Variants in TRAPPC11 observed in about 807,000 individuals in gnomAD.
TRAPPC11 encodes the protein foie gras homolog.
TRAPPC11 carries 104 observed loss-of-function variants against 151.2 expected under a neutral mutation model. The observed-to-expected ratio is 0.69, with a 90% CI of 0.59 to 0.81. The LOEUF is 0.81. Ranked by LOEUF, TRAPPC11 falls within the 30% of genes least tolerant of loss-of-function variation. TRAPPC11 has a pLI of 0.00. For missense variants in TRAPPC11, 1,230 were observed against 1,349.6 expected, an observed-to-expected ratio of 0.91 and a Z score of 1.39; for synonymous variants, 456 against 472.3, an observed-to-expected ratio of 0.97 and a Z score of 0.45.
At chr4:183,689,436 C>G (rs1736141970) in intron 18 of TRAPPC11, among the ~76,000 whole-genome samples, 1 of 152,042 alleles carries the variant, frequency 6.6e-6, no homozygotes, top group Non-Finnish European at 1.5e-5. Context: ...ACTTACATGA[C>G]TGAATCACTT....
Position 183,697,501 on chromosome 4 carries a change from A to T in TRAPPC11, c.2629-2A>T, listed in dbSNP as rs761323035. The T allele has an allele frequency of 6.3e-7, 1 of 1,594,252 alleles. No homozygotes were observed. The highest frequency in any genetic ancestry group is 8.5e-7 in the Non-Finnish European group (1 of 1,175,574). On this transcript the variant is annotated splice_acceptor_variant, in intron 23 of 29. Coordinates refer to ENST00000334690, the MANE Select transcript of TRAPPC11 (RefSeq NM_021942.6). LOFTEE classifies it high-confidence loss of function. ...GAATGTGCCCTTTACATTTTCTTGC[A>T]GGATGAAACTGTAACAATTGAAACA...
intron 10 of TRAPPC11, among the ~76,000 whole-genome samples, chr4:183,682,241 G>T (rs1363268368): frequency 6.6e-6 from 1 of 152,070 alleles, no homozygotes; most frequent in African/African-American, 2.4e-5. Context: ...TTACGTTTTG[G>T]TTTCAGAGGG....
rs901204498 is a variant in TRAPPC11 at position 183,684,817 on chromosome 4, T to C, written c.1543T>C (p.Tyr515His). Reference protein sequence around the residue: ...LMAQLKDYITYSLELLGRAST... With the variant: ...LMAQLKDYITHSLELLGRAST... ...GGCCCAATTAAAGGATTACATTACT[T>C]ACTCCCTAGAACTCCTTGGTAGAGG... is the stretch of plus-strand genomic sequence containing the variant. The change falls in exon 15 of 30, where the codon TAC becomes CAC. Residue 515 changes from tyrosine to histidine, a missense_variant. Coordinates refer to ENST00000334690, the MANE Select transcript of TRAPPC11 (RefSeq NM_021942.6). 2.6e-5 allele frequency: 42 copies of C among 1,613,742 alleles called. No individual in the cohort carries two copies. Among genetic ancestry groups the C allele is most frequent in the Non-Finnish European group, 3.5e-5 (41 of 1,179,824 alleles).
intron 25 of TRAPPC11, among the ~76,000 whole-genome samples, chr4:183,698,950 T>C (rs1438638862): frequency 1.3e-5 from 2 of 152,202 alleles, no homozygotes; most frequent in African/African-American, 2.4e-5. Flanking sequence ...TTCATCTCCA[T>C]CCTCAGTGCC....
At position 183,685,017 on chromosome 4, in the gene TRAPPC11, C is replaced by T. The variant is rs949769705; in HGVS notation, c.1568-67C>T. 47 of 1,488,656 alleles carry T rather than the reference C, an allele frequency of 3.2e-5. No individual in the cohort carries two copies. The African/African-American group carries it at 5.1e-4, about 16-fold the overall frequency. The allele number at this position is 1,488,656 out of a possible 1,614,324, so 92.2% of individuals were successfully genotyped here. ...TTATTATTATATCAAGTTTCTAAAA[C>T]AATAAATGGGGGTAGTAGACTTAAT... On this transcript the variant is annotated intron_variant, in intron 15 of 29. Transcript: ENST00000334690.
intron 11 of TRAPPC11, among the ~76,000 whole-genome samples, chr4:183,683,155 C>CAA (rs11461854): frequency 1.6e-4 from 16 of 97,946 alleles, no homozygotes; most frequent in Admixed American, 2.3e-4. Flanking sequence ...GACCTCATCT[C>CAA]AAAAAAAAAA....
chr4:183,689,224 T>C (rs1736132030), intron 18 of TRAPPC11, among the ~76,000 whole-genome samples: 1 of 152,074 alleles, frequency 6.6e-6, no homozygotes, highest in Admixed American at 6.6e-5. Flanking sequence ...TTCAGGGATA[T>C]AAGAGGCATT....
intron 29 of TRAPPC11, among the ~76,000 whole-genome samples, chr4:183,709,140 G>A (rs538466590): frequency 6.9e-4 from 105 of 152,208 alleles, no homozygotes; most frequent in African/African-American, 2.4e-3. Flanking sequence ...CTAAATAAGA[G>A]CCATCTCTCC....
rs138740048 is a variant in TRAPPC11, at chr4:183,682,766, A to C, written c.1148A>C (p.Glu383Ala). Residue 383 changes from glutamate to alanine, a missense_variant, in exon 11 of 30, where the codon GAA becomes GCA. Glu to Ala is a moderately radical substitution (Grantham distance 107). Coordinates refer to ENST00000334690, the MANE Select transcript of TRAPPC11 (RefSeq NM_021942.6). ...ATGTATCCCAATCCTGATCCCTTAG[A>C]AACACAAACAGGCGTTCTTGACTTT... ...SVMYPNPDPL[E>A]TQTGVLDFYG... The C allele has an allele frequency of 1.9e-6, 3 of 1,613,748 alleles. No individual in the cohort carries two copies. The African/African-American group carries it at 4.0e-5, about 22-fold the overall frequency.
rs757664635 is a variant in TRAPPC11, at chr4:183,684,678, C to T, written c.1422-18C>T. ...TTCTTGTGAAGCCGGTTCAGTATTA[C>T]ATTTTGTCTTCTTTGAGGTTGCTGG... On this transcript the variant is annotated intron_variant, in intron 14 of 29. Coordinates refer to ENST00000334690, the MANE Select transcript of TRAPPC11 (RefSeq NM_021942.6). 37 of 1,612,852 alleles carry T rather than the reference C, an allele frequency of 2.3e-5. No individual in the cohort carries two copies. Among genetic ancestry groups the T allele is most frequent in the Non-Finnish European group, 2.6e-5 (31 of 1,179,456 alleles).
chr4:183,703,398 T>A (rs1229382868), intron 26 of TRAPPC11, among the ~76,000 whole-genome samples: 2 of 152,242 alleles, frequency 1.3e-5, no homozygotes, highest in South Asian at 2.1e-4. Context: ...CATTCCTGAA[T>A]TTACCATATT....
At chr4:183,712,526 A>G in intron 29 of TRAPPC11, 74 bp from the exon 30 acceptor site, 7 of 1,391,664 alleles carry the variant, frequency 5.0e-6, no homozygotes, top group Non-Finnish European at 7.1e-6. Context: ...GAATTTAAAA[A>G]TCCTTCCAGT....
Position 183,682,841 on chromosome 4 carries a change from C to G in TRAPPC11, c.1207+16C>G. The G allele has an allele frequency of 6.4e-7, 1 of 1,573,092 alleles. No individual in the cohort carries two copies. The highest frequency in any genetic ancestry group is 8.7e-7 in the Non-Finnish European group (1 of 1,143,034). On this transcript the variant is annotated intron_variant, in intron 11 of 29. Transcript: ENST00000334690. ...GGAATACTAAGTAAATAATTTTTCC[C>G]TCTGTCCTTTCCTCTCAACCTCAAA...
At chr4:183,664,124 G>T in intron 2 of TRAPPC11, 53 bp downstream of exon 2, 1 of 1,468,952 alleles carries the variant, frequency 6.8e-7, no homozygotes, top group African/African-American at 1.4e-5. Context: ...CTATGTGTGT[G>T]TGTGTGTCTT....
intron 18 of TRAPPC11, among the ~76,000 whole-genome samples, chr4:183,687,283 TTC>T (rs1480251254): frequency 8.5e-5 from 4 of 47,122 alleles, no homozygotes; most frequent in Non-Finnish European, 1.2e-4. Context: ...GTCTTAAGAA[TTC>T]TCTGTGTGTG....
Position 183,666,300 on chromosome 4 carries a change from C to G in TRAPPC11, c.248C>G (p.Thr83Ser), listed in dbSNP as rs1024182354. The G allele has an allele frequency of 2.5e-6, 4 of 1,614,022 alleles. No individual in the cohort carries two copies. Among genetic ancestry groups the G allele is most frequent in the Non-Finnish European group, 3.4e-6 (4 of 1,180,000 alleles). Residue 83 changes from threonine (T) to serine (S), a missense_variant, in exon 3 of 30, where the codon ACT (threonine) becomes AGT (serine). By Grantham distance (58) the Thr-to-Ser change is moderately conservative. Coordinates refer to ENST00000334690, the MANE Select transcript of TRAPPC11 (RefSeq NM_021942.6). ...TACATTCCTAAAGGGATCTTAAAGA[C>G]TGGCTGGATGAATAAGCATCTGAAT... ...EWYIPKGILK[T>S]GWMNKHLNLV...
chr4:183,689,575 T>G (rs1281351386), intron 18 of TRAPPC11, among the ~76,000 whole-genome samples: 8 of 151,328 alleles, frequency 5.3e-5, no homozygotes, highest in African/African-American at 1.9e-4. Context: ...AGGGCAGGGG[T>G]TTTTTTTGTT....
At chr4:183,673,866 T>G (rs1019276671) in intron 5 of TRAPPC11, among the ~76,000 whole-genome samples, 3 of 152,364 alleles carry the variant, frequency 2.0e-5, no homozygotes, top group Middle Eastern at 3.4e-3. Context: ...TTGAGTTGTG[T>G]ATCCATCTCT....
chr4:183,684,738 G>A lies in TRAPPC11; in HGVS notation c.1464G>A (p.Trp488Ter). ...TGTGTGATTATCGGAGTGAAGGATG[G>A]TGGACTCTGCTCACTTCTGTATTAA... is the stretch of plus-strand genomic sequence containing the variant. Reference protein sequence around the residue: ...YVMCDYRSEGWWTLLTSVLTT... With the variant: ...YVMCDYRSEG The change falls in exon 15 of 30, where the codon TGG (tryptophan) becomes TGA (stop). Residue 488 changes from tryptophan (W) to a stop codon, truncating the protein, a stop_gained. Coordinates refer to ENST00000334690, the MANE Select transcript of TRAPPC11 (RefSeq NM_021942.6). LOFTEE classifies it high-confidence loss of function. The A allele has an allele frequency of 6.2e-7, 1 of 1,613,956 alleles. No homozygotes were observed. The highest frequency in any genetic ancestry group is 1.1e-5 in the South Asian group (1 of 91,080).
Sources: gnomAD v4.1 joint callset for allele counts (sites outside exome capture counted in the v4.1 genomes callset) on GRCh38, gnomAD v4.1.1 for gene constraint, MANE v1.5 for transcripts, NCBI Gene and HGNC (gene_info 2026-07-23, HGNC 2026-07-21) for gene names.